The following ADGRV1 variants were observed in gnomAD, a reference collection of about 807,000 sequenced individuals.
The protein encoded by ADGRV1 is adhesion G protein-coupled receptor V1.
Under a neutral mutation model 596.2 loss-of-function variants are expected in ADGRV1, and 359 were observed. The observed-to-expected ratio is 0.60, with a 90% CI of 0.55 to 0.66. ADGRV1 has a LOEUF of 0.66. Among genes scored for constraint, ADGRV1 ranks in the 30% least tolerant of loss-of-function variants. The pLI, the probability that ADGRV1 is intolerant of heterozygous loss-of-function variation, is 0.00. For synonymous variants in ADGRV1, 2,681 were observed against 2,679.2 expected, an observed-to-expected ratio of 1.00 and a Z score of -0.02; for missense variants, 7,274 against 7,575.6, an observed-to-expected ratio of 0.96 and a Z score of 1.48.
intron 70 of ADGRV1, among the ~76,000 whole-genome samples, chr5:90,795,780 G>A (rs1382179351): frequency 6.6e-6 from 1 of 152,202 alleles, no homozygotes; most frequent in African/African-American, 2.4e-5. Flanking sequence ...GCCCCGCTGG[G>A]TCGAAGCTTC....
chr5:90,780,042 A>T (rs967263655), intron 64 of ADGRV1: 25 of 152,352 alleles, frequency 1.6e-4, no homozygotes, highest in African/African-American at 5.5e-4. Context: ...TTGTACTCCT[A>T]GTAAATATAG....
chr5:90,791,176 A>G lies in ADGRV1; in HGVS notation c.14347A>G (p.Ile4783Val). 9 of 1,613,958 alleles carry G rather than the reference A, an allele frequency of 5.6e-6. No individual in the cohort carries two copies. The highest frequency in any genetic ancestry group is 7.6e-6 in the Non-Finnish European group (9 of 1,179,886). Residue 4783 changes from isoleucine to valine, a missense_variant, in exon 70 of 90, where the codon ATC (isoleucine) becomes GTC (valine). Ile to Val is a conservative substitution (Grantham distance 29). Transcript: ENST00000405460. ...TATTGGGCAGAACCTTATTAGATCCATCCAAATTAACATAACCCGGCTTGC... is the reference window on the plus strand; with the variant it reads ...TATTGGGCAGAACCTTATTAGATCCGTCCAAATTAACATAACCCGGCTTGC... Reference protein sequence around the residue: ...ILIGQNLIRSIQINITRLAGT... With the variant: ...ILIGQNLIRSVQINITRLAGT...
intron 85 of ADGRV1, among the ~76,000 whole-genome samples, chr5:91,063,963 A>G (rs1454845565): frequency 6.6e-6 from 1 of 152,156 alleles, no homozygotes; most frequent in Non-Finnish European, 1.5e-5. Context: ...AATATATTCT[A>G]CCTGATAGGA....
intron 50 of ADGRV1, among the ~76,000 whole-genome samples, chr5:90,730,444 A>G (rs951116): frequency 0.62 from 94,659 of 152,034 alleles, 30,773 homozygotes; most frequent in East Asian, 0.8. Flanking sequence ...AAGTATTTGC[A>G]TTTATGAATT....
intron 5 of ADGRV1, 44 bp downstream of exon 5, chr5:90,622,745 T>A: frequency 1.1e-6 from 1 of 933,578 alleles, no homozygotes; most frequent in Non-Finnish European, 1.5e-6. Context: ...ATTTTTATTT[T>A]TATTTATTTA....
chr5:91,016,181 T>A (rs1783155459), intron 85 of ADGRV1, among the ~76,000 whole-genome samples: 1 of 152,016 alleles, frequency 6.6e-6, no homozygotes, highest in African/African-American at 2.4e-5. Context: ...AAATTATTAA[T>A]CAGCCTTTAA....
At chr5:91,153,176 C>A in intron 88 of ADGRV1, 45 bp from the exon 89 acceptor site, 1 of 1,491,776 alleles carries the variant, frequency 6.7e-7, no homozygotes, top group Non-Finnish European at 9.2e-7. Flanking sequence ...AATGTGTATG[C>A]ATTCATATTA....
intron 85 of ADGRV1, among the ~76,000 whole-genome samples, chr5:91,062,553 A>G (rs1787531768): frequency 6.6e-6 from 1 of 152,144 alleles, no homozygotes; most frequent in Non-Finnish European, 1.5e-5. Context: ...GTTTAGATGC[A>G]GCAGAACTGA....
At chr5:90,816,601 C>G (rs1438100261) in intron 75 of ADGRV1, among the ~76,000 whole-genome samples, 1 of 146,570 alleles carries the variant, frequency 6.8e-6, no homozygotes, top group South Asian at 2.2e-4. Flanking sequence ...GTGATGTTCC[C>G]CTTCCTGTGT....
At chr5:90,901,068 A>T (rs1257316171) in intron 83 of ADGRV1, among the ~76,000 whole-genome samples, 1 of 151,974 alleles carries the variant, frequency 6.6e-6, no homozygotes, top group Non-Finnish European at 1.5e-5. Context: ...TCCTCAAGAG[A>T]TATAATAATC....
chr5:90,954,193 C>G (rs1205192378), intron 83 of ADGRV1, among the ~76,000 whole-genome samples: 1 of 140,950 alleles, frequency 7.1e-6, no homozygotes, highest in Admixed American at 7.2e-5. Flanking sequence ...TTTTAACATC[C>G]TATTTATAAA....
intron 86 of ADGRV1, among the ~76,000 whole-genome samples, chr5:91,080,621 A>G (rs998783884): frequency 8.9e-5 from 13 of 145,802 alleles, no homozygotes; most frequent in African/African-American, 3.0e-4. Flanking sequence ...ACTTGAAGTG[A>G]TCAGGGTTGG....
intron 30 of ADGRV1, 69 bp downstream of exon 30, chr5:90,690,145 T>G: frequency 1.1e-6 from 1 of 892,208 alleles, no homozygotes; most frequent in Non-Finnish European, 1.7e-6. Flanking sequence ...TGATCTTTAC[T>G]TTTGGAGACT....
At chr5:90,625,107 T>C in intron 5 of ADGRV1, 23 bp from the exon 6 acceptor site, 2 of 1,406,694 alleles carry the variant, frequency 1.4e-6, no homozygotes, top group African/African-American at 1.4e-5. Flanking sequence ...CATTTATTGA[T>C]GGCATTTTGT....
At chr5:90,896,907 A>C (rs1179894836) in intron 83 of ADGRV1, among the ~76,000 whole-genome samples, 2 of 152,194 alleles carry the variant, frequency 1.3e-5, no homozygotes, top group Non-Finnish European at 2.9e-5. Context: ...GCTGGATGAC[A>C]TTCCCCTTAT....
intron 85 of ADGRV1, among the ~76,000 whole-genome samples, chr5:91,033,686 T>A (rs920755474): frequency 2.0e-5 from 3 of 152,304 alleles, no homozygotes; most frequent in Admixed American, 2.0e-4. Context: ...AGGACTTCAG[T>A]CCTATTACCC....
Position 91,150,209 on chromosome 5 carries a change from T to G in ADGRV1, c.18612T>G (p.Gly6204=). ...GCAAGTCCACCCAGAATCTCATCGG[T>G]GCTATGGAGGAGGTGTCTGCCCTTG... is the stretch of plus-strand genomic sequence containing the variant. ...EISKSTQNLI[G]AMEEVPPDWE... is the part of the protein sequence containing the mutation. Residue 6204 remains glycine (G), a synonymous_variant, in exon 88 of 90, where the codon GGT becomes GGG. Coordinates refer to ENST00000405460, the MANE Select transcript of ADGRV1 (RefSeq NM_032119.4). 1 of 1,574,824 alleles carries G rather than the reference T, an allele frequency of 6.3e-7. No homozygotes were observed. Among genetic ancestry groups the G allele is most frequent in the Non-Finnish European group, 8.6e-7 (1 of 1,160,566 alleles).
chr5:90,732,234 C>T (rs1752648453), intron 50 of ADGRV1, among the ~76,000 whole-genome samples: 1 of 152,134 alleles, frequency 6.6e-6, no homozygotes, highest in South Asian at 2.1e-4. Context: ...GAGCTCCAGG[C>T]TTCAGGAGAT....
chr5:91,083,084 C>T (rs957091683), intron 86 of ADGRV1, among the ~76,000 whole-genome samples: 5 of 152,048 alleles, frequency 3.3e-5, no homozygotes, highest in African/African-American at 1.2e-4. Flanking sequence ...GCAATTGAAT[C>T]ATAAATTTCT....
Sources: allele counts gnomAD v4.1 joint callset (sites outside exome capture counted in the v4.1 genomes callset), GRCh38; gene constraint gnomAD v4.1.1; transcripts MANE v1.5; gene names NCBI Gene and HGNC (gene_info 2026-07-23, HGNC 2026-07-21).